The following CDK14 variants were observed in gnomAD, a reference collection of about 807,000 sequenced individuals.
CDK14 encodes the protein cyclin-dependent kinase 14.
CDK14 carries 34 observed loss-of-function variants against 60.7 expected under a neutral mutation model. The observed-to-expected ratio is 0.56, with a 90% CI of 0.43 to 0.75. CDK14 has a LOEUF of 0.75. Ranked by LOEUF, CDK14 falls within the 30% of genes least tolerant of loss-of-function variation. The probability of loss-of-function intolerance (pLI) is 0.00; values close to 1 mark genes in which losing one functional copy is unlikely to be tolerated. For synonymous variants in CDK14, 197 were observed against 203.7 expected (o/e 0.97, Z 0.28); for missense variants, 482 against 564.1 (o/e 0.85, Z 1.47).
chr7:91,047,584 A>G (rs866510312), intron 11 of CDK14, among the ~76,000 whole-genome samples: 1 of 152,250 alleles, frequency 6.6e-6, no homozygotes, highest in Non-Finnish European at 1.5e-5. Flanking sequence ...TCTGGTGGGC[A>G]TATACAAACT....
chr7:90,756,935 G>A (rs571208363), intron 4 of CDK14, among the ~76,000 whole-genome samples: 1 of 152,268 alleles, frequency 6.6e-6, no homozygotes, highest in South Asian at 2.1e-4. Flanking sequence ...GTCATGTTTG[G>A]ATTTTACCAT....
intron 2 of CDK14, among the ~76,000 whole-genome samples, chr7:90,649,312 C>CT (rs1584767981): frequency 1.4e-4 from 5 of 36,532 alleles, no homozygotes; most frequent in African/African-American, 7.7e-4. Context: ...TTCTTTCTTT[C>CT]CTTCCTTCCT....
At chr7:90,686,861 G>A (rs780375818) in intron 2 of CDK14, among the ~76,000 whole-genome samples, 6 of 152,120 alleles carry the variant, frequency 3.9e-5, no homozygotes, top group Non-Finnish European at 7.4e-5. Flanking sequence ...AAACATTCCA[G>A]TGTGCTTAAA....
chr7:90,973,859 C>T (rs1187699577), intron 9 of CDK14, among the ~76,000 whole-genome samples: 1 of 151,978 alleles, frequency 6.6e-6, no homozygotes, highest in Admixed American at 6.6e-5. Flanking sequence ...GGTCTGTGTC[C>T]CACTGTGCAC....
At chr7:90,868,855 G>T (rs1369443576) in intron 6 of CDK14, among the ~76,000 whole-genome samples, 1 of 152,158 alleles carries the variant, frequency 6.6e-6, no homozygotes, top group Non-Finnish European at 1.5e-5. Context: ...AAATGGTAAA[G>T]ATATGACTTT....
intron 2 of CDK14, among the ~76,000 whole-genome samples, chr7:90,690,012 T>C (rs1050115225): frequency 1.1e-4 from 17 of 152,184 alleles, no homozygotes; most frequent in African/African-American, 3.9e-4. Context: ...AACTACTATA[T>C]TGATGCTCAA....
chr7:91,055,695 C>G (rs1399081286), intron 11 of CDK14, among the ~76,000 whole-genome samples: 1 of 152,144 alleles, frequency 6.6e-6, no homozygotes, highest in East Asian at 1.9e-4. Flanking sequence ...TCCAACCCAC[C>G]TAAGAGTATT....
chr7:90,974,734 A>G (rs1413384414), intron 9 of CDK14, among the ~76,000 whole-genome samples: 1 of 152,178 alleles, frequency 6.6e-6, no homozygotes, highest in Non-Finnish European at 1.5e-5. Flanking sequence ...GACTGAGTAT[A>G]GTCCCTTGAA....
intron 8 of CDK14, among the ~76,000 whole-genome samples, chr7:90,954,208 C>T (rs923324238): frequency 2.6e-5 from 4 of 151,974 alleles, no homozygotes; most frequent in African/African-American, 9.7e-5. Context: ...CTTTGTCTTA[C>T]CAGCTGTCTT....
At chr7:90,679,152 AT>A (rs1187274606) in intron 2 of CDK14, among the ~76,000 whole-genome samples, 3 of 152,064 alleles carry the variant, frequency 2.0e-5, no homozygotes, top group Admixed American at 6.6e-5. Flanking sequence ...AGGTCTTGGT[AT>A]GTTGCCCACG....
intron 4 of CDK14, among the ~76,000 whole-genome samples, chr7:90,777,667 C>A (rs981750787): frequency 2.0e-5 from 3 of 152,178 alleles, no homozygotes; most frequent in African/African-American, 4.8e-5. Flanking sequence ...CCATCCCTCT[C>A]CATGCTTTGC....
intron 10 of CDK14, among the ~76,000 whole-genome samples, chr7:91,007,312 A>G (rs1166101002): frequency 1.3e-5 from 2 of 152,138 alleles, no homozygotes; most frequent in Admixed American, 6.5e-5. Context: ...CTGGTTTTCA[A>G]TCTTAGATAA....
chr7:91,177,472 G>T (rs955122504), intron 14 of CDK14, among the ~76,000 whole-genome samples: 2 of 151,822 alleles, frequency 1.3e-5, no homozygotes, highest in African/African-American at 4.8e-5. Context: ...CAATCAGGCA[G>T]GAGAAGGAAA....
At chr7:90,620,752 G>A (rs1482996952) in intron 2 of CDK14, among the ~76,000 whole-genome samples, 1 of 152,160 alleles carries the variant, frequency 6.6e-6, no homozygotes, top group South Asian at 2.1e-4. Context: ...CTCCACATGA[G>A]TCCTCACATC....
chr7:90,641,171 A>G (rs1259629469), intron 2 of CDK14, among the ~76,000 whole-genome samples: 5 of 152,052 alleles, frequency 3.3e-5, no homozygotes, highest in African/African-American at 1.2e-4. Context: ...TGGAACTCTC[A>G]TACCCTGGGA....
chr7:90,811,295 C>G (rs1477369329), intron 5 of CDK14, among the ~76,000 whole-genome samples: 1 of 151,786 alleles, frequency 6.6e-6, no homozygotes, highest in East Asian at 1.9e-4. Flanking sequence ...CAGAACAGAG[C>G]CCTCAGAAAT....
intron 2 of CDK14, among the ~76,000 whole-genome samples, chr7:90,699,782 C>T (rs995459128): frequency 4.6e-5 from 7 of 152,252 alleles, no homozygotes; most frequent in East Asian, 1.9e-4. Flanking sequence ...TGCCCTTAGA[C>T]GGAACTAGTT....
At chr7:91,139,445 A>G (rs1309550348) in intron 14 of CDK14, among the ~76,000 whole-genome samples, 3 of 152,234 alleles carry the variant, frequency 2.0e-5, no homozygotes, top group Non-Finnish European at 4.4e-5. Flanking sequence ...GGCCAAAACA[A>G]ATTTCAAAGC....
At chr7:91,137,692 GGGT>G (rs901198134) in intron 14 of CDK14, among the ~76,000 whole-genome samples, 12 of 29,358 alleles carry the variant, frequency 4.1e-4, no homozygotes, top group South Asian at 2.7e-3. Context: ...GACTTGTGGG[GGGT>G]GTGTGTGTGT....
Sources: gnomAD v4.1 joint callset for allele counts (sites outside exome capture counted in the v4.1 genomes callset) on GRCh38, gnomAD v4.1.1 for gene constraint, MANE v1.5 for transcripts, NCBI Gene and HGNC (gene_info 2026-07-23, HGNC 2026-07-21) for gene names.